RANBP2: variants seen among roughly 807,000 people sequenced by gnomAD.
RANBP2 encodes E3 SUMO-protein ligase RanBP2.
In RANBP2, 57 loss-of-function variants were observed where a neutral mutation model predicts 303.6. The ratio of observed to expected loss-of-function variants is 0.19; its 90% CI spans 0.15 to 0.23. The LOEUF (loss-of-function observed/expected upper bound fraction) is 0.23, where lower values mean the gene tolerates loss of function less well. RANBP2 is among the 10% of genes least tolerant of loss of function. The pLI is 1.00. For synonymous variants in RANBP2, 1,167 were observed against 1,301.5 expected (o/e 0.90, Z 2.23); for missense variants, 3,138 against 3,780.8 (o/e 0.83, Z 4.46).
chr2:108,955,351 G>A, the RANBP2 span, among the ~76,000 whole-genome samples: 135 of 152,330 alleles, frequency 8.9e-4, no homozygotes, highest in Middle Eastern at 3.4e-3. Flanking sequence ...TGGAAGAATT[G>A]TAAAATAAAA....
the RANBP2 span, among the ~76,000 whole-genome samples, chr2:109,628,806 A>AT: frequency 0.031 from 4,576 of 147,952 alleles, 86 homozygotes; most frequent in South Asian, 0.077. Flanking sequence ...TATACAGTAG[A>AT]TTTTTTTTAA....
chr2:109,467,326 T>C, the RANBP2 span, among the ~76,000 whole-genome samples: 2 of 152,216 alleles, frequency 1.3e-5, no homozygotes, highest in Non-Finnish European at 2.9e-5. Context: ...CAGCTGCTGA[T>C]ACACACAGCA....
chr2:109,108,358 C>T, the RANBP2 span, among the ~76,000 whole-genome samples: 17 of 152,182 alleles, frequency 1.1e-4, no homozygotes, highest in Non-Finnish European at 2.2e-4. Context: ...TTTTAAAACT[C>T]TCCTTTTCTT....
At chr2:109,496,557 A>G in the RANBP2 span, among the ~76,000 whole-genome samples, 2 of 152,238 alleles carry the variant, frequency 1.3e-5, no homozygotes, top group African/African-American at 4.8e-5. Flanking sequence ...CACCTGCAGC[A>G]CGGCCTGGCC....
the RANBP2 span, among the ~76,000 whole-genome samples, chr2:109,479,358 T>G: frequency 6.6e-6 from 1 of 152,196 alleles, no homozygotes; most frequent in African/African-American, 2.4e-5. Context: ...TGTGGCTGTA[T>G]TTAGAAAATA....
the RANBP2 span, among the ~76,000 whole-genome samples, chr2:109,498,550 C>T: frequency 6.6e-6 from 1 of 152,350 alleles, no homozygotes; most frequent in East Asian, 1.9e-4. Context: ...AGGGCAAAGG[C>T]TTCCTCCCTG....
chr2:109,452,865 A>G, the RANBP2 span, among the ~76,000 whole-genome samples: 3 of 96,792 alleles, frequency 3.1e-5, no homozygotes, highest in African/African-American at 4.2e-5. Flanking sequence ...TGGTCCCGGG[A>G]GGCTGGTGCC....
At chr2:109,101,198 C>A in the RANBP2 span, among the ~76,000 whole-genome samples, 1 of 151,988 alleles carries the variant, frequency 6.6e-6, no homozygotes, top group Non-Finnish European at 1.5e-5. Context: ...TTGCCTTGGA[C>A]GTATATTACT....
At chr2:109,728,680 C>T in the RANBP2 span, among the ~76,000 whole-genome samples, 3 of 150,914 alleles carry the variant, frequency 2.0e-5, no homozygotes, top group Non-Finnish European at 4.4e-5. Context: ...GTCTCGAACT[C>T]CTGACCTTAT....
the RANBP2 span, among the ~76,000 whole-genome samples, chr2:109,418,611 G>T: frequency 6.6e-6 from 1 of 152,044 alleles, no homozygotes; most frequent in African/African-American, 2.4e-5. Flanking sequence ...TGGATTTGGT[G>T]CCCACTCTAA....
the RANBP2 span, among the ~76,000 whole-genome samples, chr2:109,692,846 CT>C: frequency 7.4e-6 from 1 of 135,382 alleles, no homozygotes; most frequent in Non-Finnish European, 1.6e-5. Flanking sequence ...GAGATGAAGT[CT>C]TGCTCTTGTC....
chr2:109,382,291 G>T, the RANBP2 span, among the ~76,000 whole-genome samples: 6 of 152,236 alleles, frequency 3.9e-5, no homozygotes, highest in East Asian at 7.8e-4. Context: ...ATCTGTTTTG[G>T]TCTCAGATAA....
At chr2:109,544,405 T>G in the RANBP2 span, 2 of 1,504,618 alleles carry the variant, frequency 1.3e-6, no homozygotes, top group Non-Finnish European at 8.8e-7. Flanking sequence ...TCTAGTATAT[T>G]ATAGGATATC....
chr2:108,926,424 T>C, the RANBP2 span, among the ~76,000 whole-genome samples: 1 of 152,192 alleles, frequency 6.6e-6, no homozygotes, highest in East Asian at 1.9e-4. Flanking sequence ...TAGGTGTACA[T>C]TTTCCCAGAG....
the RANBP2 span, among the ~76,000 whole-genome samples, chr2:109,286,817 C>CT: frequency 1.3e-5 from 2 of 152,192 alleles, no homozygotes; most frequent in Non-Finnish European, 2.9e-5. Flanking sequence ...CTCACAGGGC[C>CT]AGTAGCCATT....
At chr2:109,464,842 G>A in the RANBP2 span, among the ~76,000 whole-genome samples, 11 of 152,300 alleles carry the variant, frequency 7.2e-5, no homozygotes, top group East Asian at 7.7e-4. Flanking sequence ...CATAGTTTAC[G>A]TTAGGATTTA....
chr2:108,719,567 C>G lies in RANBP2; in HGVS notation c.-40C>G, dbSNP rs767350973. The G allele has an allele frequency of 6.3e-7, 1 of 1,583,088 alleles. No homozygotes were observed. Among genetic ancestry groups the G allele is most frequent in the South Asian group, 1.2e-5 (1 of 86,864 alleles). ...AAGTGGCGACTGCTGCGGGCCTGAGCGCTGGTCTCACGCGCCTCGGGAGCC... is the reference window on the plus strand; with the variant it reads ...AAGTGGCGACTGCTGCGGGCCTGAGGGCTGGTCTCACGCGCCTCGGGAGCC... On this transcript the variant is annotated 5_prime_UTR_variant, in exon 1 of 29. Transcript: ENST00000283195.
chr2:108,947,104 T>G, the RANBP2 span, among the ~76,000 whole-genome samples: 1 of 152,152 alleles, frequency 6.6e-6, no homozygotes, highest in Non-Finnish European at 1.5e-5. Flanking sequence ...ATGGGAAAAA[T>G]TGGCCAAAAC....
the RANBP2 span, among the ~76,000 whole-genome samples, chr2:109,552,021 A>G: frequency 2.0e-5 from 3 of 152,202 alleles, no homozygotes; most frequent in Non-Finnish European, 4.4e-5. Context: ...GTGGCGGGCA[A>G]ACAAGCATTA....
Sources: allele counts gnomAD v4.1 joint callset (sites outside exome capture counted in the v4.1 genomes callset), GRCh38; gene constraint gnomAD v4.1.1; transcripts MANE v1.5; gene names NCBI Gene and HGNC (gene_info 2026-07-23, HGNC 2026-07-21).